Variants in APBA2 observed in about 807,000 individuals in gnomAD.
APBA2 encodes the protein amyloid beta precursor protein binding family A member 2, also known as amyloid-beta A4 precursor protein-binding family A member 2.
In APBA2, 30 loss-of-function variants were observed where a neutral mutation model predicts 75.0. That is an observed-to-expected ratio of 0.40 (90% CI 0.30 to 0.54). APBA2 has a LOEUF of 0.54. Among genes scored for constraint, APBA2 ranks in the 20% least tolerant of loss-of-function variants. The probability of loss-of-function intolerance (pLI) is 0.49; values close to 1 mark genes in which losing one functional copy is unlikely to be tolerated. For missense variants in APBA2, 801 were observed against 1,016.1 expected (o/e 0.79, Z 2.88); for synonymous variants, 444 against 409.6 (o/e 1.08, Z -1.01).
At chr15:28,935,688 A>G (rs2034823380) in intron 2 of APBA2, among the ~76,000 whole-genome samples, 2 of 152,304 alleles carry the variant, frequency 1.3e-5, no homozygotes, top group African/African-American at 4.8e-5. Flanking sequence ...CTACAGATCC[A>G]AGGCCAGGTC....
chr15:29,050,892 T>G lies in APBA2; in HGVS notation c.-40-2953T>G, dbSNP rs150380475. Among the ~76,000 whole-genome samples the G allele has an allele frequency of 4.5e-3, 682 of 152,334 alleles. 11 individuals carry two copies. Among genetic ancestry groups the G allele is most frequent in the African/African-American group, 0.016 (653 of 41,586 alleles). ...GTCAGAGCCTGGCGAGAAACAGGGA[T>G]GCTGTAGAGATGGCACCGCTATGCA... On this transcript the variant is annotated intron_variant, in intron 3 of 14. Transcript: ENST00000683413.
Position 28,895,085 on chromosome 15 carries a change from T to C in APBA2, c.-205+8807T>C, listed in dbSNP as rs147595093. Among the ~76,000 whole-genome samples the C allele has an allele frequency of 2.2e-4, 34 of 152,326 alleles. No homozygotes were observed. In the East Asian group the frequency reaches 6.4e-3, roughly 29 times the overall value. On this transcript the variant is annotated intron_variant, in intron 1 of 14. Coordinates refer to ENST00000683413, the MANE Select transcript of APBA2 (RefSeq NM_001353788.2). ...GGATTTCTAGATTAACTTGCCCCTG[T>C]TTTTCTAAAAGAACGACAAAATCCA...
chr15:28,974,353 C>T (rs1331709427), intron 2 of APBA2, among the ~76,000 whole-genome samples: 6 of 152,202 alleles, frequency 3.9e-5, no homozygotes, highest in Admixed American at 2.0e-4. Context: ...ACCACAGGGG[C>T]GGTGGGGAGA....
intron 6 of APBA2, among the ~76,000 whole-genome samples, chr15:29,088,155 C>T (rs1232007507): frequency 2.0e-5 from 3 of 152,130 alleles, no homozygotes; most frequent in African/African-American, 7.2e-5. Flanking sequence ...ACGAGGTCTC[C>T]TTGTAGTTGG....
At chr15:29,069,774 G>A (rs905125428) in intron 4 of APBA2, among the ~76,000 whole-genome samples, 10 of 152,242 alleles carry the variant, frequency 6.6e-5, no homozygotes, top group African/African-American at 2.2e-4. Flanking sequence ...CATACAACAG[G>A]CACCTGTTCA....
intron 2 of APBA2, among the ~76,000 whole-genome samples, chr15:28,949,425 C>T (rs532765486): frequency 1.3e-5 from 2 of 152,250 alleles, no homozygotes; most frequent in South Asian, 2.1e-4. Flanking sequence ...CTACGCATCA[C>T]GGAGGAGAGG....
chr15:29,060,927 G>A (rs899169638), intron 4 of APBA2, among the ~76,000 whole-genome samples: 20 of 152,118 alleles, frequency 1.3e-4, no homozygotes, highest in African/African-American at 4.8e-4. Flanking sequence ...AGTGGAGGGA[G>A]GACCCCAGCT....
At chr15:28,902,430 C>T (rs989199906) in intron 1 of APBA2, among the ~76,000 whole-genome samples, 1 of 152,224 alleles carries the variant, frequency 6.6e-6, no homozygotes, top group East Asian at 1.9e-4. Context: ...GATGCTGTCA[C>T]AGCCAAGAGG....
In APBA2 at chr15:28,983,050, T is replaced by C. The variant is rs2037708590; in HGVS notation, c.-94-12703T>C. Among the ~76,000 whole-genome samples the C allele has an allele frequency of 4.6e-5, 7 of 152,324 alleles. No homozygotes were observed. The South Asian group carries it at 1.2e-3, about 27-fold the overall frequency. The stretch of plus-strand genomic sequence containing the variant: ...TGGTGAAATAGGAAGTCACTGCCTA[T>C]TGCCCACTCATGTCCCCACTGATGG... On this transcript the variant is annotated intron_variant, in intron 2 of 14. Coordinates refer to ENST00000683413, the MANE Select transcript of APBA2 (RefSeq NM_001353788.2).
intron 1 of APBA2, among the ~76,000 whole-genome samples, chr15:28,905,506 G>C (rs1210016247): frequency 6.6e-6 from 1 of 152,170 alleles, no homozygotes; most frequent in Admixed American, 6.5e-5. Context: ...GGTCTGAGGG[G>C]CAGCACTCCC....
intron 1 of APBA2, among the ~76,000 whole-genome samples, chr15:28,894,357 AG>A (rs1294241621): frequency 2.0e-5 from 3 of 152,116 alleles, no homozygotes; most frequent in African/African-American, 4.8e-5. Context: ...GAGGGCATGG[AG>A]GGGGCTGCTG....
At chr15:28,937,802 G>A (rs367668096) in intron 2 of APBA2, among the ~76,000 whole-genome samples, 1 of 151,932 alleles carries the variant, frequency 6.6e-6, no homozygotes, top group African/African-American at 2.4e-5. Context: ...GACTACAGGC[G>A]CCCGCCACCA....
chr15:29,099,245 G>A (rs1271808176), intron 9 of APBA2, among the ~76,000 whole-genome samples: 3 of 152,196 alleles, frequency 2.0e-5, no homozygotes, highest in African/African-American at 4.8e-5. Context: ...TCACCCACCT[G>A]TGCTGGGTGT....
At chr15:28,897,567 G>A (rs1193467733) in intron 1 of APBA2, among the ~76,000 whole-genome samples, 3 of 132,640 alleles carry the variant, frequency 2.3e-5, no homozygotes, top group African/African-American at 5.9e-5. Context: ...GCAGTGAGCC[G>A]AGATTGCACC....
intron 2 of APBA2, among the ~76,000 whole-genome samples, chr15:28,994,857 C>A (rs988953347): frequency 6.6e-6 from 1 of 152,218 alleles, no homozygotes; most frequent in Non-Finnish European, 1.5e-5. Flanking sequence ...ATTGCAGGTG[C>A]CCTGTCCAGC....
At chr15:29,091,909 A>AG (rs2043592151) in intron 6 of APBA2, among the ~76,000 whole-genome samples, 1 of 152,064 alleles carries the variant, frequency 6.6e-6, no homozygotes, top group Non-Finnish European at 1.5e-5. Flanking sequence ...CTGGAGCAGG[A>AG]GGGGAGCCAG....
intron 3 of APBA2, among the ~76,000 whole-genome samples, chr15:29,044,623 G>A (rs927065356): frequency 6.6e-6 from 1 of 152,114 alleles, no homozygotes; most frequent in Non-Finnish European, 1.5e-5. Flanking sequence ...CTCATATGGG[G>A]ACCTGGGCCT....
chr15:28,941,502 C>CAAAAA (rs72376564), intron 2 of APBA2, among the ~76,000 whole-genome samples: 5 of 59,816 alleles, frequency 8.4e-5, no homozygotes, highest in African/African-American at 2.4e-4. Flanking sequence ...ACTTGGGAGG[C>CAAAAA]AAAAAAAAAA....
At chr15:29,097,522 T>C (rs902220676) in intron 8 of APBA2, among the ~76,000 whole-genome samples, 11 of 152,254 alleles carry the variant, frequency 7.2e-5, no homozygotes, top group African/African-American at 2.7e-4. Context: ...CGAGCCTTCC[T>C]TCGAGTTATT....
Sources: allele counts gnomAD v4.1 joint callset (sites outside exome capture counted in the v4.1 genomes callset), GRCh38; gene constraint gnomAD v4.1.1; transcripts MANE v1.5; gene names NCBI Gene and HGNC (gene_info 2026-07-23, HGNC 2026-07-21).